Variants in PAK2 observed in about 807,000 individuals in gnomAD.
PAK2 encodes p21 (RAC1) activated kinase 2, also known as serine/threonine-protein kinase PAK 2.
A neutral mutation model predicts 65.9 loss-of-function variants in PAK2; 21 were observed. The ratio of observed to expected loss-of-function variants is 0.32; its 90% CI spans 0.23 to 0.46. The LOEUF (loss-of-function observed/expected upper bound fraction) is 0.46, where lower values mean the gene tolerates loss of function less well. Among genes scored for constraint, PAK2 ranks in the 20% least tolerant of loss-of-function variants. PAK2 has a pLI of 1.00. For missense variants in PAK2, 324 were observed against 642.6 expected (o/e 0.50, Z 5.36); for synonymous variants, 204 against 219.7 (o/e 0.93, Z 0.63).
rs12494636 is a variant in PAK2, at chr3:196,791,208, C to G, written c.187+8375C>G. On this transcript the variant is annotated intron_variant, in intron 2 of 14. Coordinates refer to ENST00000327134, the MANE Select transcript of PAK2 (RefSeq NM_002577.4). The surrounding 1 kb of genome is among the most constrained non-coding windows in gnomAD (Gnocchi z 4.0). Reference sequence around the variant, plus strand: ...ATCTTTCCAGCACATTGTTCAATTCCAGACATGCTTTAGTATCTTTTTGTT... The same window carrying G: ...ATCTTTCCAGCACATTGTTCAATTCGAGACATGCTTTAGTATCTTTTTGTT... 0.3 allele frequency among the ~76,000 whole-genome samples: 45,809 copies of G among 152,086 alleles called. 7,700 individuals are homozygous for G. The highest frequency in any genetic ancestry group is 0.43 in the African/African-American group (17,901 of 41,516).
chr3:196,750,527 T>G (rs2669638), intron 1 of PAK2, among the ~76,000 whole-genome samples: 70,342 of 151,548 alleles, frequency 0.46, 16,753 homozygotes, highest in Non-Finnish European at 0.53. Context: ...GATTGTCCTG[T>G]ACGATCATGA....
intron 8 of PAK2, 117 bp from the exon 9 acceptor site, chr3:196,812,102 G>A (rs148394531): frequency 3.2e-4 from 212 of 655,916 alleles, no homozygotes; most frequent in South Asian, 1.3e-3. Context: ...TTTTAAGCAC[G>A]TTAGGTCATC....
intron 13 of PAK2, 90 bp from the exon 14 acceptor site, chr3:196,827,106 A>G (rs1711904215): frequency 2.9e-6 from 2 of 701,504 alleles, no homozygotes; most frequent in Non-Finnish European, 4.6e-6. Flanking sequence ...GATTTTCTTT[A>G]AAGAAGAAAG....
chr3:196,767,461 A>G (rs537251688), intron 1 of PAK2, among the ~76,000 whole-genome samples: 3 of 152,102 alleles, frequency 2.0e-5, no homozygotes, highest in Non-Finnish European at 4.4e-5. Flanking sequence ...AAAGGCGAGC[A>G]ATTTATAATG....
chr3:196,799,109 C>T (rs942150403), intron 2 of PAK2, among the ~76,000 whole-genome samples: 1 of 152,010 alleles, frequency 6.6e-6, no homozygotes, highest in African/African-American at 2.4e-5. Context: ...AAGAAGTAAA[C>T]TTGATTTTAT....
chr3:196,822,845 A>G (rs1711698743), intron 13 of PAK2, among the ~76,000 whole-genome samples: 2 of 152,210 alleles, frequency 1.3e-5, no homozygotes, highest in African/African-American at 4.8e-5. Context: ...CAGCAAGTGC[A>G]AAAGCTCTAA....
At chr3:196,744,184 C>T (rs992029761) in intron 1 of PAK2, among the ~76,000 whole-genome samples, 33 of 151,848 alleles carry the variant, frequency 2.2e-4, no homozygotes, top group African/African-American at 8.0e-4. Flanking sequence ...TCAGCCAGGA[C>T]AATACAGGGG....
At chr3:196,782,930 C>A in intron 2 of PAK2, 97 bp downstream of exon 2, 2 of 696,972 alleles carry the variant, frequency 2.9e-6, no homozygotes, top group Non-Finnish European at 4.7e-6. Flanking sequence ...TAAAACAGAT[C>A]ATGAAAACAA....
At chr3:196,797,378 G>T (rs370415912) in intron 2 of PAK2, among the ~76,000 whole-genome samples, 3 of 151,740 alleles carry the variant, frequency 2.0e-5, no homozygotes, top group African/African-American at 7.3e-5. Flanking sequence ...CAGGAGAATC[G>T]TTTGAACCTG....
chr3:196,815,765 G>A (rs762009460), intron 11 of PAK2, among the ~76,000 whole-genome samples: 14 of 150,748 alleles, frequency 9.3e-5, no homozygotes, highest in East Asian at 1.9e-4. Flanking sequence ...CCAGCCTGGC[G>A]ACAGAGCAAG....
At chr3:196,776,787 A>G (rs1200974546) in intron 1 of PAK2, among the ~76,000 whole-genome samples, 5 of 152,230 alleles carry the variant, frequency 3.3e-5, no homozygotes, top group African/African-American at 4.8e-5. Flanking sequence ...AAGAGAGTCA[A>G]TTGGTTTAAT....
chr3:196,745,686 C>T (rs1291599786), intron 1 of PAK2, among the ~76,000 whole-genome samples: 5 of 151,932 alleles, frequency 3.3e-5, no homozygotes, highest in Non-Finnish European at 7.4e-5. Flanking sequence ...TGGTGGTGCA[C>T]ACCTGTAGTT....
At chr3:196,805,881 ATATTT>A (rs926131042) in intron 5 of PAK2, among the ~76,000 whole-genome samples, 14 of 150,404 alleles carry the variant, frequency 9.3e-5, no homozygotes, top group African/African-American at 2.9e-4. Flanking sequence ...TTATTTTTTT[ATATTT>A]TATTTTATTT....
At chr3:196,742,205 C>T (rs1312571113) in intron 1 of PAK2, among the ~76,000 whole-genome samples, 4 of 150,890 alleles carry the variant, frequency 2.7e-5, no homozygotes, top group Non-Finnish European at 5.9e-5. Context: ...TCTCCTGTCT[C>T]AGCCTGCTGA....
intron 1 of PAK2, among the ~76,000 whole-genome samples, chr3:196,749,607 T>G (rs1263576519): frequency 6.6e-6 from 1 of 152,222 alleles, no homozygotes; most frequent in Non-Finnish European, 1.5e-5. Flanking sequence ...TCAGCTGATT[T>G]GGGTGAATAC....
chr3:196,782,074 C>T (rs944102494), intron 1 of PAK2, among the ~76,000 whole-genome samples: 1 of 152,096 alleles, frequency 6.6e-6, no homozygotes, highest in Non-Finnish European at 1.5e-5. Context: ...CCACTGCACT[C>T]CAGCCTGGGT....
intron 1 of PAK2, among the ~76,000 whole-genome samples, chr3:196,756,853 A>G (rs1307374460): frequency 6.6e-6 from 1 of 152,176 alleles, no homozygotes; most frequent in Non-Finnish European, 1.5e-5. Flanking sequence ...AAAGAAAGAA[A>G]CAAAATGCTT....
chr3:196,821,122 T>G (rs923716458), intron 13 of PAK2, among the ~76,000 whole-genome samples: 1 of 152,144 alleles, frequency 6.6e-6, no homozygotes, highest in Non-Finnish European at 1.5e-5. Context: ...ATTACAGGTG[T>G]GAACAACTGC....
chr3:196,822,882 A>G (rs1258606740), intron 13 of PAK2, among the ~76,000 whole-genome samples: 2 of 152,168 alleles, frequency 1.3e-5, no homozygotes, highest in East Asian at 3.9e-4. Flanking sequence ...GTGTATTGAG[A>G]GATGATTCTG....
Sources: gnomAD v4.1 joint callset for allele counts (sites outside exome capture counted in the v4.1 genomes callset) on GRCh38, gnomAD v4.1.1 for gene constraint, Gnocchi (gnomAD v3.1) non-coding constraint, MANE v1.5 for transcripts, NCBI Gene and HGNC (gene_info 2026-07-23, HGNC 2026-07-21) for gene names.